CKAP5: variants seen among roughly 807,000 people sequenced by gnomAD.
CKAP5 encodes the protein cytoskeleton associated protein 5, also known as cytoskeleton-associated protein 5.
Under a neutral mutation model 232.8 loss-of-function variants are expected in CKAP5, and 27 were observed. That is an observed-to-expected ratio of 0.12 (90% CI 0.09 to 0.16). The LOEUF (loss-of-function observed/expected upper bound fraction) is 0.16. CKAP5 is among the 10% of genes least tolerant of loss of function. CKAP5 has a pLI of 1.00. For synonymous variants in CKAP5, 785 were observed against 841.1 expected (o/e 0.93, Z 1.16); for missense variants, 1,838 against 2,424.7 (o/e 0.76, Z 5.08).
Position 46,784,591 on chromosome 11 carries a change from T to C in CKAP5, c.2051A>G (p.Asp684Gly), listed in dbSNP as rs2065374896. ...ATCTCCAATCTTGTCCACAAGGCCATCTAATACAACCTGAGCTGACGTTTT... is the reference window on the plus strand; with the variant it reads ...ATCTCCAATCTTGTCCACAAGGCCACCTAATACAACCTGAGCTGACGTTTT... The part of the protein sequence containing the change: ...FSKTSAQVVL[D>G]GLVDKIGDVK... The change falls in exon 17 of 44, where the codon GAT becomes GGT. Residue 684 changes from aspartate to glycine, a missense_variant. This residue lies in a region of CKAP5 where 767 missense variants were observed against 954.6 expected (regional missense o/e 0.80). Transcript: ENST00000529230. 6.2e-7 allele frequency: 1 copy of C among 1,613,966 alleles called. No homozygotes were observed. The highest frequency in any genetic ancestry group is 8.5e-7 in the Non-Finnish European group (1 of 1,179,966).
At position 46,744,553 on chromosome 11, in the gene CKAP5, G is replaced by A; in HGVS notation, c.5729C>T (p.Thr1910Ile). The change falls in exon 43 of 44, where the codon ACA (threonine) becomes ATA (isoleucine). Residue 1910 changes from threonine (T) to isoleucine (I), a missense_variant. Thr to Ile is a moderately conservative substitution (Grantham distance 89, BLOSUM62 -1). Around this residue, in one of 6 missense-constraint regions of CKAP5, gnomAD observed 579 missense variants for 843.2 expected, o/e 0.69. Transcript: ENST00000529230. ...STGISPQMEV[T>I]CVPTPTSTVS... Reference sequence around the variant, plus strand: ...TGTGCTTGTGGGCGTGGGCACACATGTGACTTCCATCTGAGGGGAGATGCC... The same window carrying A: ...TGTGCTTGTGGGCGTGGGCACACATATGACTTCCATCTGAGGGGAGATGCC... 1 of 1,614,136 alleles carries A rather than the reference G, an allele frequency of 6.2e-7. No homozygotes were observed. The highest frequency in any genetic ancestry group is 8.5e-7 in the Non-Finnish European group (1 of 1,180,000).
intron 11 of CKAP5, among the ~76,000 whole-genome samples, 196 bp from the exon 12 acceptor site, chr11:46,797,136 G>A (rs1321096222): frequency 6.6e-6 from 1 of 152,154 alleles, no homozygotes; most frequent in East Asian, 1.9e-4. Context: ...GTTCATGCCT[G>A]TAATCCCAGC....
intron 15 of CKAP5, among the ~76,000 whole-genome samples, chr11:46,789,823 A>G (rs556718134): frequency 1.7e-4 from 26 of 152,274 alleles, no homozygotes; most frequent in Admixed American, 9.2e-4. Context: ...TCTAAGCCTT[A>G]TAATTCAGAA....
chr11:46,749,174 G>A (rs2065044069), intron 42 of CKAP5, among the ~76,000 whole-genome samples: 1 of 152,012 alleles, frequency 6.6e-6, no homozygotes, highest in Admixed American at 6.6e-5. Context: ...TCTATGTGAG[G>A]CTGGGCATGG....
At chr11:46,774,326 A>C (rs1360588299) in intron 24 of CKAP5, among the ~76,000 whole-genome samples, 1 of 152,212 alleles carries the variant, frequency 6.6e-6, no homozygotes, top group Non-Finnish European at 1.5e-5. Context: ...AGAACTACAA[A>C]CCACTGCTCA....
chr11:46,767,759 G>A, intron 26 of CKAP5, 96 bp from the exon 27 acceptor site: 1 of 689,206 alleles, frequency 1.5e-6, no homozygotes, highest in South Asian at 2.1e-5. Context: ...GAAGCTTGCA[G>A]TCTTAAATGT....
chr11:46,793,253 T>C (rs928815892), intron 13 of CKAP5, among the ~76,000 whole-genome samples: 4 of 152,226 alleles, frequency 2.6e-5, no homozygotes, highest in Non-Finnish European at 2.9e-5. Flanking sequence ...TAAATGACAT[T>C]ATAAAGGCAA....
intron 25 of CKAP5, 143 bp from the exon 26 acceptor site, chr11:46,770,241 G>A (rs991432056): frequency 2.6e-6 from 2 of 764,378 alleles, no homozygotes; most frequent in Non-Finnish European, 4.3e-6. Context: ...AGTACATGGT[G>A]TCAGAGAAGT....
rs375054462 is a variant in CKAP5, at chr11:46,748,765, T to TCAAAA, written c.5704+1504_5704+1508dup. Among the ~76,000 whole-genome samples, 276 of 152,130 alleles carry TCAAAA rather than the reference T, an allele frequency of 1.8e-3. 4 individuals are homozygous for TCAAAA. The South Asian group carries it at 0.019, about 11-fold the overall frequency. ...GCCCGAGCAACAGAGCGAGACTGTC[T>TCAAAA]CAAAACAAAACAAAACAAAACAAAA... On this transcript the variant is annotated intron_variant, in intron 42 of 43. Transcript: ENST00000529230.
intron 16 of CKAP5, among the ~76,000 whole-genome samples, chr11:46,787,719 A>T (rs575190336): frequency 6.6e-6 from 1 of 152,326 alleles, no homozygotes; most frequent in Non-Finnish European, 1.5e-5. Flanking sequence ...GTATATATCT[A>T]AATTATACAA....
chr11:46,750,785 T>G (rs1307886280), intron 40 of CKAP5, among the ~76,000 whole-genome samples, 174 bp from the exon 41 acceptor site: 1 of 152,236 alleles, frequency 6.6e-6, no homozygotes, highest in Non-Finnish European at 1.5e-5. Flanking sequence ...ACATTCTGTG[T>G]TACTGAATGC....
intron 13 of CKAP5, 73 bp downstream of exon 13, chr11:46,795,521 T>C: frequency 7.9e-7 from 1 of 1,259,858 alleles, no homozygotes; most frequent in Non-Finnish European, 1.1e-6. Context: ...ACAAAATAAT[T>C]TTAGAGGAAC....
intron 27 of CKAP5, 142 bp from the exon 28 acceptor site, chr11:46,765,398 G>C: frequency 2.8e-6 from 2 of 724,772 alleles, no homozygotes; most frequent in Non-Finnish European, 2.1e-6. Flanking sequence ...ATGCATCACA[G>C]AATCTTGTAT....
At chr11:46,842,669 T>C (rs1288816417) in intron 1 of CKAP5, among the ~76,000 whole-genome samples, 1 of 152,118 alleles carries the variant, frequency 6.6e-6, no homozygotes, top group African/African-American at 2.4e-5. Context: ...TTTAAATGGT[T>C]ATTAAGAAGT....
At chr11:46,775,687 C>G (rs774431233) in intron 24 of CKAP5, among the ~76,000 whole-genome samples, 1 of 152,022 alleles carries the variant, frequency 6.6e-6, no homozygotes, top group Admixed American at 6.6e-5. Context: ...ATTGATGAAG[C>G]TGGAAACCGT....
intron 1 of CKAP5, among the ~76,000 whole-genome samples, chr11:46,843,944 G>A (rs562005937): frequency 6.6e-6 from 1 of 152,210 alleles, no homozygotes; most frequent in East Asian, 1.9e-4. Context: ...GGGTTAGCCA[G>A]GTGTGGTGGC....
Position 46,818,315 on chromosome 11 carries a change from T to G in CKAP5, c.246A>C (p.Ala82=), listed in dbSNP as rs758800492. Residue 82 remains alanine, a synonymous_variant, in exon 3 of 44, where the codon GCA becomes GCC. Transcript: ENST00000529230. The stretch of plus-strand genomic sequence containing the variant: ...GTTGGAAAGAAAGTACTTACTTTCC[T>G]GCTACATGGGCATTTTCAACATAAA... ...ALVYVENAHV[A]GKTTGEVVSG... 3 of 1,580,574 alleles carry G rather than the reference T, an allele frequency of 1.9e-6. No homozygotes were observed. The highest frequency in any genetic ancestry group is 1.9e-5 in the Admixed American group (1 of 52,496).
In CKAP5 at chr11:46,829,834, T is replaced by TTG. The variant is rs749138690; in HGVS notation, c.-37-8568_-37-8567dup. On this transcript the variant is annotated intron_variant, in intron 1 of 43. Coordinates refer to ENST00000529230, the MANE Select transcript of CKAP5 (RefSeq NM_001008938.4). ...CAGTATATGAAGTCTAATTCCTTTT[T>TTG]TGTATGTGTGTGTGTGTGTGTGTGT... 3.8e-3 allele frequency among the ~76,000 whole-genome samples: 416 copies of TTG among 110,732 alleles called. 1 individual carries two copies. Among genetic ancestry groups the TTG allele is most frequent in the Middle Eastern group, 0.017 (4 of 242 alleles). 72.6% of individuals were successfully genotyped at this position (110,732 alleles called of 152,430 possible).
chr11:46,748,500 C>T (rs1465803668), intron 42 of CKAP5, among the ~76,000 whole-genome samples: 6 of 152,144 alleles, frequency 3.9e-5, no homozygotes, highest in East Asian at 3.9e-4. Flanking sequence ...ATCGGCTGGG[C>T]ATGGTGGCTC....
Sources: gnomAD v4.1 joint callset for allele counts (sites outside exome capture counted in the v4.1 genomes callset) on GRCh38, gnomAD v4.1.1 for gene constraint, gnomAD v4.1.1 regional missense constraint, MANE v1.5 for transcripts, NCBI Gene and HGNC (gene_info 2026-07-23, HGNC 2026-07-21) for gene names.